The following DLG2 variants were observed in gnomAD, a reference collection of about 807,000 sequenced individuals.
DLG2 encodes the protein discs large MAGUK scaffold protein 2, also known as disks large homolog 2.
DLG2 carries 45 observed loss-of-function variants against 132.5 expected under a neutral mutation model. That is an observed-to-expected ratio of 0.34 (90% CI 0.27 to 0.44). The LOEUF (loss-of-function observed/expected upper bound fraction) is 0.44, where lower values mean the gene tolerates loss of function less well. DLG2 is among the 20% of genes least tolerant of loss of function. DLG2 has a pLI of 1.00. For missense variants in DLG2, 1,045 were observed against 1,196.9 expected (o/e 0.87, Z 1.87); for synonymous variants, 424 against 419.6 (o/e 1.01, Z -0.13).
In DLG2 at chr11:85,256,823, T is replaced by C. The variant is rs1184400105; in HGVS notation, c.186+28397A>G. Among the ~76,000 whole-genome samples the C allele has an allele frequency of 2.0e-5, 3 of 152,338 alleles. No individual in the cohort carries two copies. The East Asian group carries it at 5.8e-4, about 29-fold the overall frequency. On this transcript the variant is annotated intron_variant, in intron 4 of 27. Coordinates refer to ENST00000376104, the MANE Select transcript of DLG2 (RefSeq NM_001142699.3). ...TACAAAAAAGTCTAGTGTATCATTG[T>C]TATCAATACTTTCGATACTATTATT...
At chr11:83,462,831 G>T (rs1353372984) in intron 26 of DLG2, among the ~76,000 whole-genome samples, 1 of 151,686 alleles carries the variant, frequency 6.6e-6, no homozygotes, top group African/African-American at 2.4e-5. Flanking sequence ...TTTTTAAAAG[G>T]CTCAAGGATA....
intron 6 of DLG2, among the ~76,000 whole-genome samples, chr11:84,622,143 A>G (rs2099615083): frequency 6.6e-6 from 1 of 152,228 alleles, no homozygotes; most frequent in Admixed American, 6.5e-5. Flanking sequence ...AGATTTTGCT[A>G]CAAAAGCAAT....
intron 10 of DLG2, among the ~76,000 whole-genome samples, chr11:84,071,094 T>C (rs1399370154): frequency 6.6e-6 from 1 of 152,152 alleles, no homozygotes; most frequent in East Asian, 1.9e-4. Context: ...AATTACTTTG[T>C]ATTTATTTAT....
intron 22 of DLG2, chr11:83,480,292 A>G: frequency 8.7e-7 from 1 of 1,146,454 alleles, no homozygotes; most frequent in Non-Finnish European, 1.3e-6. Context: ...TTGAAAAACA[A>G]CAACAGAAAT....
chr11:84,442,800 G>A (rs375294440), intron 7 of DLG2, among the ~76,000 whole-genome samples: 22 of 151,850 alleles, frequency 1.4e-4, no homozygotes, highest in Non-Finnish European at 2.5e-4. Context: ...ACTGATTTTC[G>A]GTATTTATAT....
chr11:84,261,923 G>A (rs2097552154), intron 7 of DLG2, among the ~76,000 whole-genome samples: 1 of 152,126 alleles, frequency 6.6e-6, no homozygotes. Flanking sequence ...ATACCACACT[G>A]CTTGATGGTG....
At chr11:85,391,979 G>A (rs761722508) in intron 3 of DLG2, among the ~76,000 whole-genome samples, 2 of 152,054 alleles carry the variant, frequency 1.3e-5, no homozygotes, top group Non-Finnish European at 2.9e-5. Flanking sequence ...ATCCAAATTG[G>A]TAATGAGGAA....
At chr11:84,595,377 T>C (rs2099554103) in intron 6 of DLG2, among the ~76,000 whole-genome samples, 1 of 151,894 alleles carries the variant, frequency 6.6e-6, no homozygotes, top group South Asian at 2.1e-4. Context: ...CCTCCCAAAG[T>C]GCTGAGATTA....
intron 11 of DLG2, among the ~76,000 whole-genome samples, chr11:84,020,909 T>TC (rs1208690022): frequency 2.6e-5 from 4 of 152,170 alleles, no homozygotes; most frequent in African/African-American, 9.7e-5. Context: ...GGTGACTTTT[T>TC]CACTATGGAT....
At chr11:84,720,653 G>A (rs546343075) in intron 6 of DLG2, among the ~76,000 whole-genome samples, 23 of 152,172 alleles carry the variant, frequency 1.5e-4, no homozygotes, top group Non-Finnish European at 3.4e-4. Context: ...CGGTGAATTT[G>A]GGGGAGGTAA....
At chr11:83,569,923 G>A (rs143936798) in intron 19 of DLG2, among the ~76,000 whole-genome samples, 11 of 152,272 alleles carry the variant, frequency 7.2e-5, no homozygotes, top group African/African-American at 2.6e-4. Context: ...AGCTCCATGG[G>A]ACTAGCTTCA....
intron 17 of DLG2, among the ~76,000 whole-genome samples, chr11:83,814,299 A>G (rs2048221787): frequency 6.6e-6 from 1 of 152,196 alleles, no homozygotes; most frequent in Admixed American, 6.5e-5. Flanking sequence ...GATGCTAATA[A>G]TAAAAGCGAT....
chr11:84,406,574 A>C (rs1178530569), intron 7 of DLG2, among the ~76,000 whole-genome samples: 1 of 152,184 alleles, frequency 6.6e-6, no homozygotes, highest in East Asian at 1.9e-4. Context: ...TCTTGGGCTA[A>C]AGGAATCCAC....
intron 6 of DLG2, among the ~76,000 whole-genome samples, chr11:84,747,672 T>C (rs1426710380): frequency 6.6e-6 from 1 of 152,224 alleles, no homozygotes; most frequent in Non-Finnish European, 1.5e-5. Flanking sequence ...GCTGCCTTTT[T>C]TTCCTCTATC....
chr11:84,082,794 G>A (rs943958826), intron 10 of DLG2, among the ~76,000 whole-genome samples: 9 of 152,096 alleles, frequency 5.9e-5, no homozygotes, highest in Admixed American at 5.2e-4. Context: ...ATAGGCTTCT[G>A]GAAAAAAATT....
At chr11:83,607,374 C>T (rs138440800) in intron 19 of DLG2, among the ~76,000 whole-genome samples, 130 of 152,184 alleles carry the variant, frequency 8.5e-4, no homozygotes, top group African/African-American at 2.8e-3. Context: ...ACAGAAGAAC[C>T]GTCTCAGTTA....
At chr11:84,425,918 G>C (rs1043710260) in intron 7 of DLG2, among the ~76,000 whole-genome samples, 1 of 152,050 alleles carries the variant, frequency 6.6e-6, no homozygotes, top group Admixed American at 6.6e-5. Flanking sequence ...CCACTGGTGT[G>C]GAATTGTTTT....
At chr11:85,317,582 A>C (rs1328192677) in intron 3 of DLG2, among the ~76,000 whole-genome samples, 1 of 151,954 alleles carries the variant, frequency 6.6e-6, no homozygotes, top group Non-Finnish European at 1.5e-5. Flanking sequence ...TGCTATGAGA[A>C]TAGTCTTTTG....
At chr11:84,331,457 A>C (rs7951663) in intron 7 of DLG2, among the ~76,000 whole-genome samples, 2 of 148,798 alleles carry the variant, frequency 1.3e-5, no homozygotes, top group East Asian at 3.9e-4. Context: ...AAAAAAAAAA[A>C]AAAATAAATA....
Sources: allele counts gnomAD v4.1 joint callset (sites outside exome capture counted in the v4.1 genomes callset), GRCh38; gene constraint gnomAD v4.1.1; transcripts MANE v1.5; gene names NCBI Gene and HGNC (gene_info 2026-07-23, HGNC 2026-07-21).